The following CHRNA2 variants were observed in gnomAD, a reference collection of about 807,000 sequenced individuals.
The protein encoded by CHRNA2 is neuronal acetylcholine receptor subunit alpha-2.
A neutral mutation model predicts 45.5 loss-of-function variants in CHRNA2; 40 were observed. The ratio of observed to expected loss-of-function variants is 0.88; its 90% CI spans 0.68 to 1.15. The LOEUF is 1.15. CHRNA2 is among the 50% of genes most tolerant of loss of function. The pLI is 0.00. For missense variants in CHRNA2, 655 were observed against 701.7 expected, an observed-to-expected ratio of 0.93 and a Z score of 0.75; for synonymous variants, 301 against 296.7, an observed-to-expected ratio of 1.01 and a Z score of -0.15.
At chr8:27,464,023 C>A in intron 5 of CHRNA2, 30 bp from the exon 6 acceptor site, 1 of 1,612,416 alleles carries the variant, frequency 6.2e-7, no homozygotes, top group Non-Finnish European at 8.5e-7. Flanking sequence ...TGGGGAGACC[C>A]CTGCACACCC....
chr8:27,473,920 A>G (rs756976481), intron 1 of CHRNA2, among the ~76,000 whole-genome samples: 1 of 152,174 alleles, frequency 6.6e-6, no homozygotes, highest in Non-Finnish European at 1.5e-5. Context: ...AGATGAGAGC[A>G]GGGCTGGCAC....
At position 27,463,267 on chromosome 8, in the gene CHRNA2, G is replaced by C; in HGVS notation, c.1176C>G (p.Pro392=). 2 of 1,605,876 alleles carry C rather than the reference G, an allele frequency of 1.2e-6. No homozygotes were observed. Among genetic ancestry groups the C allele is most frequent in the South Asian group, 1.1e-5 (1 of 90,352 alleles). Reference sequence around the variant, plus strand: ...AAGAGGGGCTGAGCTTCAGGCGTAGGGGGTGGCAGAGCTCCACGGGTGGTG... The same window carrying C: ...AAGAGGGGCTGAGCTTCAGGCGTAGCGGGTGGCAGAGCTCCACGGGTGGTG... The part of the protein sequence containing the change: ...RPPPPVELCH[P]LRLKLSPSYH... The change falls in exon 6 of 7, where the codon CCC becomes CCG. Residue 392 remains proline (P), a synonymous_variant. Coordinates refer to ENST00000407991, the MANE Select transcript of CHRNA2 (RefSeq NM_000742.4). This position sits in a 1 kb window ranked among gnomAD's most constrained non-coding sequence, Gnocchi z 6.1.
At chr8:27,470,029 C>T in intron 2 of CHRNA2, 48 bp from the exon 3 acceptor site, 1 of 1,548,816 alleles carries the variant, frequency 6.5e-7, no homozygotes, top group Non-Finnish European at 8.8e-7. Context: ...TCAGTTTGCT[C>T]ATCTGTAAAA....
At position 27,463,298 on chromosome 8, in the gene CHRNA2, C is replaced by T. The variant is rs888244000; in HGVS notation, c.1145G>A (p.Arg382Gln). 14 of 1,610,194 alleles carry T rather than the reference C, an allele frequency of 8.7e-6. No individual in the cohort carries two copies. Among genetic ancestry groups the T allele is most frequent in the Middle Eastern group, 1.7e-4 (1 of 6,048 alleles). ...GCAGAGCTCCACGGGTGGTGGGGGCCGGTTCATCAGAAGCCACCGGGGCAC... is the reference window on the plus strand; with the variant it reads ...GCAGAGCTCCACGGGTGGTGGGGGCTGGTTCATCAGAAGCCACCGGGGCAC... ...GCVPRWLLMN[R>Q]PPPPVELCHP... Residue 382 changes from arginine (R) to glutamine (Q), a missense_variant, in exon 6 of 7, where the codon CGG becomes CAG. This residue lies in a region of CHRNA2 where 295 missense variants were observed against 280.4 expected (regional missense o/e 1.05). Transcript: ENST00000407991. This position sits in a 1 kb window ranked among gnomAD's most constrained non-coding sequence, Gnocchi z 6.1.
chr8:27,471,238 A>G, intron 1 of CHRNA2, 44 bp from the exon 2 acceptor site: 1 of 617,618 alleles, frequency 1.6e-6, no homozygotes. Context: ...TGCATCCTTG[A>G]CATAGGCATA....
At chr8:27,465,390 T>C (rs952497169) in intron 5 of CHRNA2, among the ~76,000 whole-genome samples, 3 of 151,974 alleles carry the variant, frequency 2.0e-5, no homozygotes, top group Admixed American at 2.0e-4. Context: ...AGGCTGGAAA[T>C]AGGAACTTTG....
intron 1 of CHRNA2, among the ~76,000 whole-genome samples, chr8:27,473,930 C>T (rs1341395227): frequency 1.3e-5 from 2 of 152,196 alleles, no homozygotes; most frequent in African/African-American, 2.4e-5. Flanking sequence ...AGGGCTGGCA[C>T]TGGCAAATGT....
In CHRNA2 at chr8:27,464,013, T is replaced by G. The variant is rs746782278; in HGVS notation, c.450-20A>C. The G allele has an allele frequency of 6.2e-7, 1 of 1,613,484 alleles. No individual in the cohort carries two copies. The highest frequency in any genetic ancestry group is 2.2e-5 in the East Asian group (1 of 44,860). Reference sequence around the variant, plus strand: ...TCTGCACTGAGAAGAGGAGAGGAGCTGGGGAGACCCCTGCACACCCACCTG... The same window carrying G: ...TCTGCACTGAGAAGAGGAGAGGAGCGGGGGAGACCCCTGCACACCCACCTG... On this transcript the variant is annotated intron_variant, in intron 5 of 6. Coordinates refer to ENST00000407991, the MANE Select transcript of CHRNA2 (RefSeq NM_000742.4).
rs1466553860 is a variant in CHRNA2, at chr8:27,461,537, A to C, written c.*92T>G. The C allele has an allele frequency of 6.3e-7, 1 of 1,576,838 alleles. No individual in the cohort carries two copies. Among genetic ancestry groups the C allele is most frequent in the African/African-American group, 1.3e-5 (1 of 74,276 alleles). ...AGACTCCGCGGAGAGGCACCTGCTC[A>C]TCCCAAAGGGGACACCAGAGGCAGC... On this transcript the variant is annotated 3_prime_UTR_variant, in exon 7 of 7. Transcript: ENST00000407991.
At chr8:27,470,163 T>C (rs754070198) in intron 2 of CHRNA2, 182 bp from the exon 3 acceptor site, 8 of 675,470 alleles carry the variant, frequency 1.2e-5, no homozygotes, top group African/African-American at 3.6e-5. Flanking sequence ...TCAGCTGTTT[T>C]GTGATGTTAG....
chr8:27,472,115 A>G (rs1812903143), intron 1 of CHRNA2, among the ~76,000 whole-genome samples: 1 of 152,238 alleles, frequency 6.6e-6, no homozygotes, highest in Non-Finnish European at 1.5e-5. Flanking sequence ...CAGCGAGGGC[A>G]TGGAAGCTCC....
At chr8:27,462,894 C>G in intron 6 of CHRNA2, 85 bp downstream of exon 6, 9 of 1,571,092 alleles carry the variant, frequency 5.7e-6, no homozygotes, top group Non-Finnish European at 7.9e-6. Context: ...GCCTGGGCTG[C>G]CCAAGCTCAC....
chr8:27,476,795 AAC>A (rs1813072787), intron 1 of CHRNA2, among the ~76,000 whole-genome samples: 1 of 152,186 alleles, frequency 6.6e-6, no homozygotes. Flanking sequence ...TAGATATTAG[AAC>A]ACAGGGCTGA....
chr8:27,463,115 TG>T lies in CHRNA2; in HGVS notation c.1327del (p.His443ThrfsTer47), dbSNP rs764302114. ...AGCCTTGGGACCTGAGGCCCCAGAG[TG>T]CAGGTGGCCGTGGCTGCAGAGGGTG... is the stretch of plus-strand genomic sequence containing the variant. ...VGTLCSHGHL[H>X]SGASGPKAEA... On this transcript the variant is annotated frameshift_variant, in exon 6 of 7. Transcript: ENST00000407991. LOFTEE classifies it high-confidence loss of function. This position sits in a 1 kb window ranked among gnomAD's most constrained non-coding sequence, Gnocchi z 6.1. The T allele has an allele frequency of 1.9e-6, 3 of 1,608,908 alleles. No homozygotes were observed. The highest frequency in any genetic ancestry group is 1.7e-5 in the Admixed American group (1 of 59,938).
At position 27,471,157 on chromosome 8, in the gene CHRNA2, T is replaced by C; in HGVS notation, c.-99A>G. 8.8e-7 allele frequency: 1 copy of C among 1,135,020 alleles called. No homozygotes were observed. The highest frequency in any genetic ancestry group is 1.3e-6 in the Non-Finnish European group (1 of 762,572). The allele number at this position is 1,135,020 out of a possible 1,614,324, so 70.3% of individuals were successfully genotyped here. On this transcript the variant is annotated 5_prime_UTR_variant, in exon 2 of 7. Coordinates refer to ENST00000407991, the MANE Select transcript of CHRNA2 (RefSeq NM_000742.4). ...AGCTGCTGCTGGATTCTGTGAGGAT[T>C]CTGCTGGATTCTGCGAGGCTTCCTC...
rs908715626 is a variant in CHRNA2, at chr8:27,463,525, T to A, written c.918A>T (p.Ser306=). ...TGATGAGCAGCAGGAAGACGGTGAG[T>A]GACAGCAGCACCGAAATGCACAGCG... The part of the protein sequence containing the change: ...KITLCISVLL[S]LTVFLLLITE... Residue 306 remains serine (S), a synonymous_variant, in exon 6 of 7, where the codon TCA becomes TCT. Coordinates refer to ENST00000407991, the MANE Select transcript of CHRNA2 (RefSeq NM_000742.4). This position sits in a 1 kb window ranked among gnomAD's most constrained non-coding sequence, Gnocchi z 6.1. 4.3e-6 allele frequency: 7 copies of A among 1,613,938 alleles called. No individual in the cohort carries two copies. Among genetic ancestry groups the A allele is most frequent in the Non-Finnish European group, 5.9e-6 (7 of 1,180,008 alleles).
chr8:27,461,047 C>G lies in CHRNA2; in HGVS notation c.*582G>C, dbSNP rs1812465712. ...CTTCCAGAAGAGCCCTTATTACTCC[C>G]CTGCTGGACCATACAGCTCAGCACC... On this transcript the variant is annotated 3_prime_UTR_variant, in exon 7 of 7. Coordinates refer to ENST00000407991, the MANE Select transcript of CHRNA2 (RefSeq NM_000742.4). 1 of 156,326 alleles carries G rather than the reference C, an allele frequency of 6.4e-6. No individual in the cohort carries two copies. Among genetic ancestry groups the G allele is most frequent in the Non-Finnish European group, 1.4e-5 (1 of 70,572 alleles). 9.7% of individuals were successfully genotyped at this position (156,326 alleles called of 1,614,324 possible). A position where few individuals can be genotyped will look rare whatever the true frequency, so the allele number is the denominator to read the frequency against.
intron 1 of CHRNA2, 146 bp from the exon 2 acceptor site, chr8:27,471,340 G>T: frequency 2.5e-6 from 1 of 400,592 alleles, no homozygotes; most frequent in South Asian, 2.3e-5. Flanking sequence ...GGCTCTCCCT[G>T]GCTTATTGAG....
chr8:27,463,344 G>T lies in CHRNA2; in HGVS notation c.1099C>A (p.Arg367=), dbSNP rs751699392. The T allele has an allele frequency of 6.2e-7, 1 of 1,613,896 alleles. No individual in the cohort carries two copies. The change falls in exon 6 of 7, where the codon CGG becomes AGG. Residue 367 remains arginine (R), a synonymous_variant. Transcript: ENST00000407991. This position sits in a 1 kb window ranked among gnomAD's most constrained non-coding sequence, Gnocchi z 6.1. ...PSTHTMPHWV[R]GALLGCVPRW... ...GGCACACAGCCCAGAAGGGCCCCCC[G>T]CACCCAGTGGGGCATGGTGTGGGTG...
Sources: gnomAD v4.1 joint callset for allele counts (sites outside exome capture counted in the v4.1 genomes callset) on GRCh38, gnomAD v4.1.1 for gene constraint, gnomAD v4.1.1 regional missense constraint, Gnocchi (gnomAD v3.1) non-coding constraint, MANE v1.5 for transcripts, NCBI Gene and HGNC (gene_info 2026-07-23, HGNC 2026-07-21) for gene names.